Variants in SH3PXD2A observed in about 807,000 individuals in gnomAD.
The protein encoded by SH3PXD2A is SH3 and PX domains 2A.
Under a neutral mutation model 115.2 loss-of-function variants are expected in SH3PXD2A, and 32 were observed. The ratio of observed to expected loss-of-function variants is 0.28; its 90% CI spans 0.21 to 0.37. The LOEUF (loss-of-function observed/expected upper bound fraction) is 0.37, where lower values mean the gene tolerates loss of function less well. SH3PXD2A is among the 10% of genes least tolerant of loss of function. SH3PXD2A has a pLI of 1.00. For synonymous variants in SH3PXD2A, 610 were observed against 629.1 expected (o/e 0.97, Z 0.45); for missense variants, 1,328 against 1,498.7 (o/e 0.89, Z 1.88).
chr10:103,678,992 C>T (rs1442452332), intron 6 of SH3PXD2A, among the ~76,000 whole-genome samples: 1 of 152,168 alleles, frequency 6.6e-6, no homozygotes, highest in East Asian at 1.9e-4. Flanking sequence ...AAGAGATGCC[C>T]CACATGGAAG....
chr10:103,747,418 G>A (rs1342326697), intron 3 of SH3PXD2A, among the ~76,000 whole-genome samples: 3 of 152,210 alleles, frequency 2.0e-5, no homozygotes, highest in Admixed American at 6.5e-5. Flanking sequence ...AGCCTGTGCA[G>A]CCTCGGCTCC....
intron 8 of SH3PXD2A, among the ~76,000 whole-genome samples, chr10:103,644,125 A>C (rs1396038683): frequency 6.6e-6 from 1 of 150,906 alleles, no homozygotes; most frequent in Non-Finnish European, 1.5e-5. Flanking sequence ...AAAAAAAAAA[A>C]AAAAAAAAAA....
rs2036579769 is a variant in SH3PXD2A, at chr10:103,620,043, A to ACCT, written c.802+2426_802+2427insAGG. 6.6e-6 allele frequency among the ~76,000 whole-genome samples: 1 copy of ACCT among 152,174 alleles called. No homozygotes were observed. ...TTCCAACTCACAGGTGTCCCAAGGA[A>ACCT]GAGAGACTTGCCTGGGCCACAAACC... On this transcript the variant is annotated intron_variant, in intron 10 of 14. Transcript: ENST00000369774. This position sits in a 1 kb window ranked among gnomAD's most constrained non-coding sequence, Gnocchi z 5.3.
chr10:103,689,174 G>A (rs1208111074), intron 6 of SH3PXD2A, among the ~76,000 whole-genome samples: 2 of 152,084 alleles, frequency 1.3e-5, no homozygotes, highest in Non-Finnish European at 2.9e-5. Flanking sequence ...GCACCCAGCT[G>A]ATCAATATTT....
At chr10:103,764,325 G>A (rs1361225284) in intron 3 of SH3PXD2A, among the ~76,000 whole-genome samples, 5 of 152,210 alleles carry the variant, frequency 3.3e-5, no homozygotes, top group African/African-American at 1.2e-4. Flanking sequence ...GGGAACCCCG[G>A]GGTAGGATTC....
chr10:103,732,979 A>G (rs988679310), intron 4 of SH3PXD2A, among the ~76,000 whole-genome samples: 1 of 152,152 alleles, frequency 6.6e-6, no homozygotes, highest in African/African-American at 2.4e-5. Flanking sequence ...AACCATTCCA[A>G]GGTCAGTGGG....
At chr10:103,691,978 G>A (rs1298997760) in intron 6 of SH3PXD2A, among the ~76,000 whole-genome samples, 1 of 152,096 alleles carries the variant, frequency 6.6e-6, no homozygotes, top group Admixed American at 6.5e-5. Flanking sequence ...CCACCACACA[G>A]GGGCACTCCC....
rs2036195617 is a variant in SH3PXD2A, at chr10:103,600,214, G to A, written c.*1602C>T. ...TGGAAATCCACTCCCAGCGAAGGGG[G>A]AGTCCTTGGGGGAAGCCGGCTGGGC... is the stretch of plus-strand genomic sequence containing the variant. On this transcript the variant is annotated 3_prime_UTR_variant, in exon 15 of 15. Coordinates refer to ENST00000369774, the MANE Select transcript of SH3PXD2A (RefSeq NM_001394015.1). 1 of 152,840 alleles carries A rather than the reference G, an allele frequency of 6.5e-6. No individual in the cohort carries two copies. Among genetic ancestry groups the A allele is most frequent in the East Asian group, 1.9e-4 (1 of 5,192 alleles). 9.5% of individuals were successfully genotyped at this position (152,840 alleles called of 1,614,324 possible).
At chr10:103,724,387 A>T in intron 4 of SH3PXD2A, 26 bp from the exon 5 acceptor site, 1 of 1,393,510 alleles carries the variant, frequency 7.2e-7, no homozygotes, top group Non-Finnish European at 9.9e-7. Context: ...AAGAAAGGGC[A>T]TTAGGTGTGA....
chr10:103,849,080 G>A (rs10883926), intron 1 of SH3PXD2A, among the ~76,000 whole-genome samples: 82,096 of 150,750 alleles, frequency 0.54, 22,929 homozygotes, highest in Non-Finnish European at 0.6. Context: ...CAAGGGATAC[G>A]GCACACAGGT....
intron 5 of SH3PXD2A, among the ~76,000 whole-genome samples, chr10:103,720,581 G>A (rs2038170435): frequency 6.6e-6 from 1 of 152,162 alleles, no homozygotes; most frequent in African/African-American, 2.4e-5. Flanking sequence ...AAGAAGCCAG[G>A]GGTTATCTAC....
At chr10:103,685,191 T>C (rs1288669158) in intron 6 of SH3PXD2A, among the ~76,000 whole-genome samples, 1 of 151,818 alleles carries the variant, frequency 6.6e-6, no homozygotes, top group African/African-American at 2.4e-5. Context: ...TACAAAAAAT[T>C]AGCTGGGCAT....
chr10:103,673,996 T>G (rs919497027), intron 6 of SH3PXD2A, among the ~76,000 whole-genome samples: 2 of 152,252 alleles, frequency 1.3e-5, no homozygotes, highest in Non-Finnish European at 2.9e-5. Flanking sequence ...CTCTACACAC[T>G]GGAGCACTCA....
At chr10:103,847,344 C>T (rs1350742554) in intron 1 of SH3PXD2A, among the ~76,000 whole-genome samples, 1 of 151,596 alleles carries the variant, frequency 6.6e-6, no homozygotes, top group Non-Finnish European at 1.5e-5. Flanking sequence ...GACAGGGTCT[C>T]ACTCTGTCAC....
rs2038951720 is a variant in SH3PXD2A, at chr10:103,783,449, T to G, written c.154-16280A>C. Among the ~76,000 whole-genome samples, 9 of 63,680 alleles carry G rather than the reference T, an allele frequency of 1.4e-4. No homozygotes were observed. The Admixed American group carries it at 2.0e-3, about 14-fold the overall frequency. The allele number at this position is 63,680 out of a possible 152,430, so 41.8% of individuals were successfully genotyped here. ...GAAGAGGGCAGATCCGGGCTGTCTC[T>G]GGGGGGCAGAGTCTGAGAAGATGAG... On this transcript the variant is annotated intron_variant, in intron 2 of 14. Transcript: ENST00000369774.
chr10:103,814,536 G>T (rs1589466853), intron 1 of SH3PXD2A, among the ~76,000 whole-genome samples: 1 of 152,158 alleles, frequency 6.6e-6, no homozygotes, highest in South Asian at 2.1e-4. Context: ...GTTGTCCAAG[G>T]ATGGAAGGGG....
At chr10:103,814,077 T>C (rs1455059137) in intron 1 of SH3PXD2A, among the ~76,000 whole-genome samples, 1 of 151,616 alleles carries the variant, frequency 6.6e-6, no homozygotes, top group East Asian at 1.9e-4. Context: ...TTTGTACTAC[T>C]AAGAGTCAGC....
At chr10:103,716,647 G>A (rs1242085961) in intron 5 of SH3PXD2A, among the ~76,000 whole-genome samples, 1 of 152,192 alleles carries the variant, frequency 6.6e-6, no homozygotes, top group African/African-American at 2.4e-5. Flanking sequence ...GTAAGAGGTG[G>A]GCTGGTAAGG....
intron 1 of SH3PXD2A, among the ~76,000 whole-genome samples, chr10:103,849,633 A>G (rs1291182249): frequency 6.6e-6 from 1 of 152,158 alleles, no homozygotes; most frequent in Non-Finnish European, 1.5e-5. Context: ...TGGCTGCACT[A>G]CAGGCAGCAG....
Sources: gnomAD v4.1 joint callset for allele counts (sites outside exome capture counted in the v4.1 genomes callset) on GRCh38, gnomAD v4.1.1 for gene constraint, Gnocchi (gnomAD v3.1) non-coding constraint, MANE v1.5 for transcripts, NCBI Gene and HGNC (gene_info 2026-07-23, HGNC 2026-07-21) for gene names.